The following CASTOR2 variants were observed in gnomAD, a reference collection of about 807,000 sequenced individuals.
CASTOR2 encodes cytosolic arginine sensor for mTORC1 subunit 2.
Under a neutral mutation model 31.2 loss-of-function variants are expected in CASTOR2, and 8 were observed. The observed-to-expected ratio is 0.26, with a 90% confidence interval of 0.15 to 0.46. CASTOR2 has a LOEUF of 0.46. Among genes scored for constraint, CASTOR2 ranks in the 20% least tolerant of loss-of-function variants. The probability of loss-of-function intolerance (pLI) is 0.99; values close to 1 mark genes in which losing one functional copy is unlikely to be tolerated. For missense variants in CASTOR2, 216 were observed against 382.1 expected (o/e 0.57, Z 3.62); for synonymous variants, 162 against 158.7 (o/e 1.02, Z -0.16).
intron 1 of CASTOR2, among the ~76,000 whole-genome samples, chr7:74,976,863 G>GTGTTGACTCATCTC (rs1325279567): frequency 7.3e-6 from 1 of 136,916 alleles, no homozygotes; most frequent in Non-Finnish European, 1.6e-5. Flanking sequence ...TCGTCCCTTG[G>GTGTTGACTCATCTC]TGTTGACTCA....
At chr7:75,018,814 C>T (rs1389662424) in intron 4 of CASTOR2, among the ~76,000 whole-genome samples, 158 bp from the exon 5 acceptor site, 42 of 152,214 alleles carry the variant, frequency 2.8e-4, no homozygotes, top group Non-Finnish European at 4.4e-4. Flanking sequence ...AGAATCAGGA[C>T]GGTGGTAATT....
At chr7:75,003,118 A>G (rs1379999885) in intron 1 of CASTOR2, among the ~76,000 whole-genome samples, 1 of 152,084 alleles carries the variant, frequency 6.6e-6, no homozygotes, top group African/African-American at 2.4e-5. Flanking sequence ...AGCAGATGTA[A>G]TCCAAAGGCA....
chr7:75,001,195 G>A (rs1441036325), intron 1 of CASTOR2, among the ~76,000 whole-genome samples: 3 of 152,080 alleles, frequency 2.0e-5, no homozygotes, highest in East Asian at 3.9e-4. Context: ...TCCCACCTCT[G>A]CCTCCTGAGT....
intron 1 of CASTOR2, chr7:75,007,767 A>AT: frequency 3.1e-6 from 2 of 642,400 alleles, no homozygotes; most frequent in South Asian, 3.7e-5. Flanking sequence ...GTCCCCAAAG[A>AT]TTGCGGGGGT....
Position 75,028,361 on chromosome 7 carries a change from T to G in CASTOR2, c.*3662T>G, listed in dbSNP as rs1805201966. ...GTCTTGAACTCCTGACCTCAAGTGA[T>G]CCACCCACCTTGGCCTCCCGAAGTG... On this transcript the variant is annotated 3_prime_UTR_variant, in exon 9 of 9. Transcript: ENST00000616305. 6.6e-6 allele frequency among the ~76,000 whole-genome samples: 1 copy of G among 152,068 alleles called. No individual in the cohort carries two copies. The highest frequency in any genetic ancestry group is 1.5e-5 in the Non-Finnish European group (1 of 68,016).
chr7:75,020,209 T>A, intron 6 of CASTOR2, 60 bp downstream of exon 6: 1 of 1,421,804 alleles, frequency 7.0e-7, no homozygotes. Flanking sequence ...CTGGGGGGAC[T>A]ATGTGATGGC....
chr7:74,974,948 A>G (rs1167764087), intron 1 of CASTOR2, among the ~76,000 whole-genome samples: 3 of 146,722 alleles, frequency 2.0e-5, no homozygotes, highest in Non-Finnish European at 3.0e-5. Flanking sequence ...TTAGGTAACC[A>G]TGGTAGTTTT....
intron 4 of CASTOR2, among the ~76,000 whole-genome samples, chr7:75,018,406 G>C (rs1804914980): frequency 6.6e-6 from 1 of 152,212 alleles, no homozygotes; most frequent in African/African-American, 2.4e-5. Context: ...GGGTGTGGTG[G>C]TGCATACTTG....
At chr7:75,005,222 T>TC (rs1804581332) in intron 1 of CASTOR2, among the ~76,000 whole-genome samples, 1 of 151,986 alleles carries the variant, frequency 6.6e-6, no homozygotes, top group East Asian at 1.9e-4. Context: ...AAGAGGCCCA[T>TC]CCCCCCAGAA....
intron 1 of CASTOR2, among the ~76,000 whole-genome samples, chr7:74,972,396 C>T (rs1358489395): frequency 6.0e-5 from 9 of 150,854 alleles, no homozygotes; most frequent in African/African-American, 2.2e-4. Flanking sequence ...GCTGAGATTA[C>T]AGGTGTGAGC....
At chr7:74,987,201 T>G (rs1236708122) in intron 1 of CASTOR2, among the ~76,000 whole-genome samples, 1 of 151,896 alleles carries the variant, frequency 6.6e-6, no homozygotes, top group Non-Finnish European at 1.5e-5. Context: ...GGTCAGGAGT[T>G]CAAGACCAGC....
chr7:75,019,803 GC>G (rs1457449276), intron 5 of CASTOR2, among the ~76,000 whole-genome samples: 14 of 152,362 alleles, frequency 9.2e-5, no homozygotes, highest in African/African-American at 3.4e-4. Flanking sequence ...GCAGGCAGGG[GC>G]CGGTGTAACC....
Position 75,025,096 on chromosome 7 carries a change from G to A in CASTOR2, c.*397G>A, listed in dbSNP as rs1805091030. On this transcript the variant is annotated 3_prime_UTR_variant, in exon 9 of 9. Coordinates refer to ENST00000616305, the MANE Select transcript of CASTOR2 (RefSeq NM_001145064.3). The stretch of plus-strand genomic sequence containing the variant: ...TGCCAGCTGTCATGTCACCTTGCAG[G>A]GCTGGGGCTGGCGGGGTGGGGCCGA... 6.6e-6 allele frequency among the ~76,000 whole-genome samples: 1 copy of A among 152,226 alleles called. No homozygotes were observed. Among genetic ancestry groups the A allele is most frequent in the South Asian group, 2.1e-4 (1 of 4,834 alleles).
At chr7:74,989,203 A>C (rs1804146260) in intron 1 of CASTOR2, among the ~76,000 whole-genome samples, 1 of 150,038 alleles carries the variant, frequency 6.7e-6, no homozygotes, top group South Asian at 2.1e-4. Context: ...TGACCTCGTG[A>C]TTCGCCCATC....
intron 1 of CASTOR2, among the ~76,000 whole-genome samples, chr7:74,999,741 C>T (rs1804450189): frequency 6.6e-6 from 1 of 151,348 alleles, no homozygotes; most frequent in Non-Finnish European, 1.5e-5. Context: ...CCCCAGCCTC[C>T]CGAGTAGCTG....
intron 7 of CASTOR2, among the ~76,000 whole-genome samples, chr7:75,023,630 G>A (rs1301676164): frequency 7.9e-5 from 12 of 151,868 alleles, no homozygotes; most frequent in African/African-American, 2.7e-4. Flanking sequence ...AGTAGAGATG[G>A]GGTTTCACCA....
intron 2 of CASTOR2, among the ~76,000 whole-genome samples, chr7:75,015,134 A>G (rs1278332420): frequency 3.9e-5 from 6 of 152,212 alleles, no homozygotes; most frequent in African/African-American, 7.2e-5. Context: ...GGCAGGTAGG[A>G]ACAGGCATGG....
intron 1 of CASTOR2, among the ~76,000 whole-genome samples, chr7:74,994,021 C>A (rs1259561530): frequency 6.6e-6 from 1 of 152,194 alleles, no homozygotes; most frequent in Non-Finnish European, 1.5e-5. Flanking sequence ...GGGGAGAGGC[C>A]CCGTGTGAGG....
chr7:75,018,299 G>A (rs1179063477), intron 4 of CASTOR2, among the ~76,000 whole-genome samples, 177 bp downstream of exon 4: 1 of 152,298 alleles, frequency 6.6e-6, no homozygotes, highest in East Asian at 1.9e-4. Context: ...CAGCACTTTG[G>A]GAGGCCGAGG....
Sources: allele counts gnomAD v4.1 joint callset (sites outside exome capture counted in the v4.1 genomes callset), GRCh38; gene constraint gnomAD v4.1.1; transcripts MANE v1.5; gene names NCBI Gene and HGNC (gene_info 2026-07-23, HGNC 2026-07-21).